Variants in DNAH14 observed in about 807,000 individuals in gnomAD.
DNAH14 encodes the protein dynein axonemal heavy chain 14.
A neutral mutation model predicts 520.9 loss-of-function variants in DNAH14; 478 were observed. The observed-to-expected ratio is 0.92, with a 90% CI of 0.85 to 0.99. The LOEUF is 0.99. DNAH14 is among the 50% of genes least tolerant of loss of function. DNAH14 has a pLI of 0.00. For synonymous variants in DNAH14, 1,581 were observed against 1,757.2 expected, an observed-to-expected ratio of 0.90 and a Z score of 2.51; for missense variants, 4,831 against 5,234.5, an observed-to-expected ratio of 0.92 and a Z score of 2.38.
At chr1:224,955,517 A>AT (rs1246497479) in intron 3 of DNAH14, among the ~76,000 whole-genome samples, 1 of 151,860 alleles carries the variant, frequency 6.6e-6, no homozygotes, top group African/African-American at 2.4e-5. Flanking sequence ...ACATACTTCC[A>AT]TTTTTTAAGT....
intron 37 of DNAH14, among the ~76,000 whole-genome samples, chr1:225,185,691 A>G (rs994409264): frequency 3.4e-4 from 51 of 151,864 alleles, no homozygotes; most frequent in Middle Eastern, 3.4e-3. Flanking sequence ...TTAGGTATCA[A>G]TTGAATCATC....
At chr1:225,119,769 G>A (rs1265713236) in intron 26 of DNAH14, among the ~76,000 whole-genome samples, 1 of 152,158 alleles carries the variant, frequency 6.6e-6, no homozygotes, top group African/African-American at 2.4e-5. Flanking sequence ...CTCAGAGCGT[G>A]AACTTTCAAA....
At chr1:224,940,473 T>C (rs1039843528) in intron 1 of DNAH14, among the ~76,000 whole-genome samples, 1 of 152,180 alleles carries the variant, frequency 6.6e-6, no homozygotes, top group African/African-American at 2.4e-5. Context: ...ATGCAGCTTG[T>C]CTTTTTATTT....
intron 43 of DNAH14, among the ~76,000 whole-genome samples, chr1:225,243,650 G>T (rs1021558327): frequency 9.9e-5 from 15 of 152,096 alleles, no homozygotes; most frequent in African/African-American, 3.6e-4. Flanking sequence ...CTATGAAAAA[G>T]AATGAAATAG....
intron 42 of DNAH14, among the ~76,000 whole-genome samples, chr1:225,234,649 T>C (rs1420200046): frequency 1.2e-4 from 19 of 152,256 alleles, no homozygotes; most frequent in Non-Finnish European, 5.9e-5. Flanking sequence ...ATGGTCCTTT[T>C]CACAATATTG....
chr1:225,176,546 C>CTATTATTGTATGTATGTAA (rs1269469409), intron 36 of DNAH14, among the ~76,000 whole-genome samples: 2 of 120,520 alleles, frequency 1.7e-5, no homozygotes, highest in African/African-American at 6.2e-5. Context: ...TTGAAATTTC[C>CTATTATTGTATGTATGTAA]TACTATTATT....
chr1:225,047,187 C>T (rs2068043892), intron 15 of DNAH14, among the ~76,000 whole-genome samples: 1 of 152,108 alleles, frequency 6.6e-6, no homozygotes, highest in Non-Finnish European at 1.5e-5. Context: ...TTTGTTTGTC[C>T]ATTTTAAACT....
chr1:225,032,195 C>T (rs2066580766), intron 11 of DNAH14, among the ~76,000 whole-genome samples: 1 of 151,806 alleles, frequency 6.6e-6, no homozygotes, highest in Non-Finnish European at 1.5e-5. Context: ...AAGCTCAATA[C>T]CCAATAATGA....
intron 1 of DNAH14, among the ~76,000 whole-genome samples, chr1:224,942,609 T>G (rs1236234483): frequency 6.6e-6 from 1 of 152,202 alleles, no homozygotes; most frequent in Non-Finnish European, 1.5e-5. Context: ...GCTTCCAGTT[T>G]TTGCCCATTC....
chr1:224,969,280 T>C (rs1446923381), intron 7 of DNAH14: 3 of 174,356 alleles, frequency 1.7e-5, no homozygotes, highest in Non-Finnish European at 1.2e-5. Context: ...ACCCTACAGT[T>C]GACTCTGGAA....
At chr1:224,967,364 A>G in intron 5 of DNAH14, 67 bp from the exon 6 acceptor site, 2 of 1,170,008 alleles carry the variant, frequency 1.7e-6, no homozygotes, top group Admixed American at 5.5e-5. Flanking sequence ...CTGTTCACCC[A>G]TTGTATTAAT....
chr1:224,982,400 G>T (rs1189107781), intron 8 of DNAH14, among the ~76,000 whole-genome samples: 1 of 152,172 alleles, frequency 6.6e-6, no homozygotes, highest in Non-Finnish European at 1.5e-5. Context: ...ATGCACTCTT[G>T]TGAGGAGCAA....
Position 225,392,175 on chromosome 1 carries a change from TTCTC to T in DNAH14, c.13331-112_13331-109del. 4 of 1,276,172 alleles carry T rather than the reference TTCTC, an allele frequency of 3.1e-6. No individual in the cohort carries two copies. The South Asian group carries it at 6.1e-5, about 19-fold the overall frequency. The allele number at this position is 1,276,172 out of a possible 1,614,324, so 79.1% of individuals were successfully genotyped here. The stretch of plus-strand genomic sequence containing the variant: ...GCTCCCGCCCAGCCCATCTCTTTTG[TTCTC>T]TCTTTTTCCTCCACTCTTCCCTTTC... On this transcript the variant is annotated intron_variant, in intron 83 of 85. Transcript: ENST00000682510.
At chr1:225,019,567 G>A (rs539166027) in intron 10 of DNAH14, among the ~76,000 whole-genome samples, 2 of 152,200 alleles carry the variant, frequency 1.3e-5, no homozygotes, top group East Asian at 3.9e-4. Context: ...TTGACCAGTT[G>A]GATCTAACAG....
chr1:225,389,778 C>T lies in DNAH14; in HGVS notation c.13235C>T (p.Thr4412Ile), dbSNP rs1347884539. 1 of 1,552,118 alleles carries T rather than the reference C, an allele frequency of 6.4e-7. No homozygotes were observed. The highest frequency in any genetic ancestry group is 8.7e-7 in the Non-Finnish European group (1 of 1,147,108). Reference sequence around the variant, plus strand: ...GTTTGGAAGCAGTCTATTCCATCAACTAGCCAAAAATGCAAACACCCTGAG... The same window carrying T: ...GTTTGGAAGCAGTCTATTCCATCAATTAGCCAAAAATGCAAACACCCTGAG... Reference protein sequence around the residue: ...VTVWKQSIPSTSQKCKHPEDS... With the variant: ...VTVWKQSIPSISQKCKHPEDS... The change falls in exon 83 of 86, where the codon ACT becomes ATT. Residue 4412 changes from threonine to isoleucine, a missense_variant. By Grantham distance (89) the Thr-to-Ile change is moderately conservative (BLOSUM62 -1). Coordinates refer to ENST00000682510, the MANE Select transcript of DNAH14 (RefSeq NM_001367479.1).
chr1:224,951,476 T>G (rs2060166714), intron 1 of DNAH14, among the ~76,000 whole-genome samples: 1 of 152,040 alleles, frequency 6.6e-6, no homozygotes, highest in Non-Finnish European at 1.5e-5. Context: ...ATGGTCAAAG[T>G]TGTATCCTTC....
chr1:225,103,755 T>C (rs561611769), intron 23 of DNAH14, among the ~76,000 whole-genome samples: 15 of 152,326 alleles, frequency 9.8e-5, no homozygotes, highest in African/African-American at 3.6e-4. Flanking sequence ...CCTGAGACTT[T>C]AATGAAGTTG....
At chr1:225,152,176 C>G (rs2080565543) in intron 32 of DNAH14, 103 bp downstream of exon 32, 1 of 971,598 alleles carries the variant, frequency 1.0e-6, no homozygotes, top group African/African-American at 1.6e-5. Flanking sequence ...ATCCATATAT[C>G]TGTCTCCACC....
intron 76 of DNAH14, among the ~76,000 whole-genome samples, 191 bp from the exon 77 acceptor site, chr1:225,367,614 C>A (rs1458737852): frequency 6.6e-6 from 1 of 152,206 alleles, no homozygotes; most frequent in African/African-American, 2.4e-5. Context: ...AATAGAAAAT[C>A]TGGGACAATC....
Sources: allele counts gnomAD v4.1 joint callset (sites outside exome capture counted in the v4.1 genomes callset), GRCh38; gene constraint gnomAD v4.1.1; transcripts MANE v1.5; gene names NCBI Gene and HGNC (gene_info 2026-07-23, HGNC 2026-07-21).